The following LPP variants were observed in gnomAD, a reference collection of about 807,000 sequenced individuals.
The protein encoded by LPP is LIM domain containing preferred translocation partner in lipoma, also known as lipoma-preferred partner.
A neutral mutation model predicts 60.4 loss-of-function variants in LPP; 38 were observed. That is an observed-to-expected ratio of 0.63 (90% CI 0.49 to 0.83). The LOEUF (loss-of-function observed/expected upper bound fraction) is 0.83, where lower values mean the gene tolerates loss of function less well. Ranked by LOEUF, LPP falls within the 40% of genes least tolerant of loss-of-function variation. LPP has a pLI of 0.00. For missense variants in LPP, 902 were observed against 783.6 expected (o/e 1.15, Z -1.80); for synonymous variants, 328 against 290.8 (o/e 1.13, Z -1.30).
At chr3:188,529,196 T>G (rs1821481736) in intron 6 of LPP, among the ~76,000 whole-genome samples, 1 of 152,220 alleles carries the variant, frequency 6.6e-6, no homozygotes, top group Non-Finnish European at 1.5e-5. Flanking sequence ...ATCACACACT[T>G]AAAATATTAA....
rs1430620373 is a variant in LPP at position 188,495,064 on chromosome 3, T to TTTTATATATATATATATATATATATA, written c.306+10361_306+10362insTTATATATATATATATATATATATAT. Among the ~76,000 whole-genome samples, 67 of 53,852 alleles carry TTTTATATATATATATATATATATATA rather than the reference T, an allele frequency of 1.2e-3. 1 individual carries two copies. Among genetic ancestry groups the TTTTATATATATATATATATATATATA allele is most frequent in the African/African-American group, 4.6e-3 (65 of 14,210 alleles). The allele number at this position is 53,852 out of a possible 152,430, so 35.3% of individuals were successfully genotyped here. ...CCTTGCTATTATAAGGTTCAGGATT[T>TTTTATATATATATATATATATATATA]TATATATATATATATATATTTTATT... On this transcript the variant is annotated intron_variant, in intron 5 of 11. Transcript: ENST00000617246.
intron 7 of LPP, among the ~76,000 whole-genome samples, chr3:188,617,289 G>A (rs149035578): frequency 6.6e-6 from 1 of 152,146 alleles, no homozygotes; most frequent in Non-Finnish European, 1.5e-5. Context: ...GTGACTTTCA[G>A]AGTTATGTGG....
At chr3:188,549,713 C>A (rs1298901219) in intron 6 of LPP, among the ~76,000 whole-genome samples, 1 of 152,146 alleles carries the variant, frequency 6.6e-6, no homozygotes, top group Non-Finnish European at 1.5e-5. Context: ...ACAGAGGTCT[C>A]CACTACCACT....
intron 2 of LPP, among the ~76,000 whole-genome samples, chr3:188,264,219 T>C (rs1041229567): frequency 2.0e-5 from 3 of 152,004 alleles, no homozygotes; most frequent in Admixed American, 6.5e-5. Flanking sequence ...TCTGTTACCT[T>C]CTAATGAAGG....
intron 7 of LPP, among the ~76,000 whole-genome samples, chr3:188,677,874 G>A (rs1303243704): frequency 1.3e-5 from 2 of 152,118 alleles, no homozygotes; most frequent in East Asian, 3.9e-4. Flanking sequence ...CTGGGTGGTT[G>A]CCTGGGATTG....
At chr3:188,191,973 C>G (rs571548614) in intron 1 of LPP, among the ~76,000 whole-genome samples, 4 of 151,970 alleles carry the variant, frequency 2.6e-5, no homozygotes, top group African/African-American at 9.7e-5. Flanking sequence ...TTTGAGGGTT[C>G]CTAGGGGGGG....
At chr3:188,377,559 G>A (rs1775516902) in intron 3 of LPP, among the ~76,000 whole-genome samples, 1 of 152,060 alleles carries the variant, frequency 6.6e-6, no homozygotes, top group South Asian at 2.1e-4. Context: ...AGCTCCATCA[G>A]GTCCTTTAAG....
chr3:188,195,535 C>T lies in LPP; in HGVS notation c.-189-29870C>T, dbSNP rs1577223275. On this transcript the variant is annotated intron_variant, in intron 1 of 11. Coordinates refer to ENST00000617246, the MANE Select transcript of LPP (RefSeq NM_001375462.1). Reference sequence around the variant, plus strand: ...TATTAGAAAAAAATACACAGCATGCCAGCTGCCATGTTGAGCCTTGATTCA... The same window carrying T: ...TATTAGAAAAAAATACACAGCATGCTAGCTGCCATGTTGAGCCTTGATTCA... Among the ~76,000 whole-genome samples, 3 of 152,260 alleles carry T rather than the reference C, an allele frequency of 2.0e-5. No homozygotes were observed. In the Middle Eastern group the frequency reaches 0.01, roughly 521 times the overall value.
At chr3:188,263,513 G>T (rs555227710) in intron 2 of LPP, among the ~76,000 whole-genome samples, 1 of 152,296 alleles carries the variant, frequency 6.6e-6, no homozygotes, top group East Asian at 1.9e-4. Flanking sequence ...TGGAGATACA[G>T]TAAGGTAGTT....
chr3:188,699,331 C>T (rs1284067294), intron 7 of LPP, among the ~76,000 whole-genome samples: 1 of 152,120 alleles, frequency 6.6e-6, no homozygotes, highest in Non-Finnish European at 1.5e-5. Flanking sequence ...GAGACCAGGG[C>T]CCCCTGACTG....
intron 5 of LPP, among the ~76,000 whole-genome samples, chr3:188,497,233 T>TCA (rs1395865870): frequency 6.6e-6 from 1 of 152,128 alleles, no homozygotes; most frequent in Non-Finnish European, 1.5e-5. Flanking sequence ...AGATGACACA[T>TCA]CAGGATGTGA....
intron 4 of LPP, among the ~76,000 whole-genome samples, chr3:188,406,875 G>T (rs115711288): frequency 6.6e-6 from 1 of 152,028 alleles, no homozygotes; most frequent in African/African-American, 2.4e-5. Context: ...CTAGTTCCAG[G>T]GGTTTTAATA....
intron 3 of LPP, among the ~76,000 whole-genome samples, chr3:188,378,520 G>A (rs1775908036): frequency 6.6e-6 from 1 of 152,196 alleles, no homozygotes. Context: ...GCCAGGTGGG[G>A]GATATAATCT....
chr3:188,785,526 ATATTC>A (rs1363741347), intron 9 of LPP, among the ~76,000 whole-genome samples: 4 of 38,478 alleles, frequency 1.0e-4, no homozygotes, highest in African/African-American at 4.1e-4. Flanking sequence ...ATATATATAT[ATATTC>A]CATCATATAT....
chr3:188,183,240 C>T (rs1008808353), intron 1 of LPP, among the ~76,000 whole-genome samples: 4 of 152,132 alleles, frequency 2.6e-5, no homozygotes, highest in African/African-American at 9.7e-5. Context: ...AGTATCCTTT[C>T]CATTCCCCCT....
intron 6 of LPP, among the ~76,000 whole-genome samples, chr3:188,546,382 GGACTGGATATCA>G (rs1265521601): frequency 6.6e-6 from 1 of 151,934 alleles, no homozygotes; most frequent in Non-Finnish European, 1.5e-5. Flanking sequence ...GGGTAGATAA[GGACTGGATATCA>G]GACTGGATAG....
At chr3:188,372,859 C>T (rs1450201935) in intron 3 of LPP, among the ~76,000 whole-genome samples, 3 of 151,994 alleles carry the variant, frequency 2.0e-5, no homozygotes, top group Non-Finnish European at 2.9e-5. Context: ...CCTCCCACCT[C>T]CCCTAACCCC....
chr3:188,867,004 T>C (rs1766807012), intron 10 of LPP, among the ~76,000 whole-genome samples: 1 of 152,148 alleles, frequency 6.6e-6, no homozygotes, highest in African/African-American at 2.4e-5. Context: ...AGTTATTTTT[T>C]AATAGAATTA....
At chr3:188,230,090 T>C (rs1359673582) in intron 2 of LPP, among the ~76,000 whole-genome samples, 3 of 151,462 alleles carry the variant, frequency 2.0e-5, no homozygotes, top group South Asian at 2.1e-4. Flanking sequence ...TAGAAACATA[T>C]TCTTTTTTTT....
Sources: allele counts gnomAD v4.1 joint callset (sites outside exome capture counted in the v4.1 genomes callset), GRCh38; gene constraint gnomAD v4.1.1; transcripts MANE v1.5; gene names NCBI Gene and HGNC (gene_info 2026-07-23, HGNC 2026-07-21).